SLC25A12: variants seen among roughly 807,000 people sequenced by gnomAD.
SLC25A12 encodes the protein electrogenic aspartate/glutamate antiporter SLC25A12, mitochondrial.
Under a neutral mutation model 83.3 loss-of-function variants are expected in SLC25A12, and 32 were observed. The observed-to-expected ratio is 0.38, with a 90% CI of 0.29 to 0.52. The LOEUF is 0.52. SLC25A12 is among the 20% of genes least tolerant of loss of function. SLC25A12 has a pLI of 0.84. For synonymous variants in SLC25A12, 267 were observed against 291.1 expected (o/e 0.92, Z 0.84); for missense variants, 611 against 835.6 (o/e 0.73, Z 3.31).
intron 3 of SLC25A12, among the ~76,000 whole-genome samples, chr2:171,863,140 C>A (rs1345575580): frequency 3.3e-5 from 5 of 152,058 alleles, no homozygotes; most frequent in Admixed American, 3.3e-4. Context: ...TGGCCTCAAG[C>A]GATCCTCCCG....
chr2:171,798,254 G>C (rs139714014), intron 13 of SLC25A12, among the ~76,000 whole-genome samples: 2,840 of 152,290 alleles, frequency 0.019, 57 homozygotes, highest in Admixed American at 0.067. Context: ...GTAATTTTGA[G>C]ATGTCACCAT....
At position 171,871,610 on chromosome 2, in the gene SLC25A12, G is replaced by A. The variant is rs1271940486; in HGVS notation, c.67-2787C>T. 8 of 527,954 alleles carry A rather than the reference G, an allele frequency of 1.5e-5. No individual in the cohort carries two copies. In the East Asian group the frequency reaches 4.4e-4, roughly 29 times the overall value. The allele number at this position is 527,954 out of a possible 1,614,324, so 32.7% of individuals were successfully genotyped here. ...GCCGGGATTACAGGTGTGAGCCACC[G>A]TGCCGGGCCCTCACCTGTATCTTTG... On this transcript the variant is annotated intron_variant, in intron 2 of 17. Coordinates refer to ENST00000422440, the MANE Select transcript of SLC25A12 (RefSeq NM_003705.5).
intron 2 of SLC25A12, among the ~76,000 whole-genome samples, chr2:171,885,040 T>C (rs1026696149): frequency 6.6e-6 from 1 of 151,878 alleles, no homozygotes; most frequent in Non-Finnish European, 1.5e-5. Flanking sequence ...GGTGAAACCC[T>C]GTCTCTACTA....
At chr2:171,788,201 T>C (rs1690525688) in intron 15 of SLC25A12, 2 of 396,122 alleles carry the variant, frequency 5.0e-6, no homozygotes, top group Non-Finnish European at 9.1e-6. Context: ...CCCAAATAAC[T>C]GTGAGAGAGA....
intron 2 of SLC25A12, among the ~76,000 whole-genome samples, chr2:171,870,039 A>G (rs1685426172): frequency 6.6e-6 from 1 of 152,146 alleles, no homozygotes; most frequent in Non-Finnish European, 1.5e-5. Flanking sequence ...TCTATCTCCC[A>G]ATTAGAATGT....
chr2:171,790,018 G>A (rs13016580), intron 15 of SLC25A12, among the ~76,000 whole-genome samples: 34,388 of 152,148 alleles, frequency 0.23, 4,976 homozygotes, highest in Middle Eastern at 0.34. Flanking sequence ...AATTACCATT[G>A]CTAGAGGAGA....
At chr2:171,866,597 C>T (rs1685317147) in intron 3 of SLC25A12, among the ~76,000 whole-genome samples, 4 of 143,164 alleles carry the variant, frequency 2.8e-5, no homozygotes, top group East Asian at 2.2e-4. Context: ...GCTGACCCCC[C>T]CACCTCCCTC....
intron 2 of SLC25A12, among the ~76,000 whole-genome samples, chr2:171,892,232 CTTT>C (rs11442059): frequency 6.8e-6 from 1 of 146,336 alleles, no homozygotes; most frequent in Non-Finnish European, 1.5e-5. Context: ...TTTACATCTA[CTTT>C]TTTTTTTTTT....
At chr2:171,848,431 CAGT>C (rs2105898859) in intron 4 of SLC25A12, among the ~76,000 whole-genome samples, 1 of 152,282 alleles carries the variant, frequency 6.6e-6, no homozygotes, top group Admixed American at 6.5e-5. Flanking sequence ...AAAAGTTCCT[CAGT>C]AGCTGAATTT....
intron 3 of SLC25A12, among the ~76,000 whole-genome samples, chr2:171,864,779 T>C (rs182565763): frequency 6.6e-6 from 1 of 152,334 alleles, no homozygotes; most frequent in African/African-American, 2.4e-5. Context: ...CCATGCTTTC[T>C]TGGGTTCCCT....
At chr2:171,799,949 G>C (rs1683675654) in intron 13 of SLC25A12, among the ~76,000 whole-genome samples, 1 of 152,184 alleles carries the variant, frequency 6.6e-6, no homozygotes, top group Non-Finnish European at 1.5e-5. Flanking sequence ...AGCTAGGTAA[G>C]TTTATCACTA....
chr2:171,858,509 A>G (rs927671114), intron 3 of SLC25A12, among the ~76,000 whole-genome samples: 1 of 152,244 alleles, frequency 6.6e-6, no homozygotes, highest in African/African-American at 2.4e-5. Flanking sequence ...AAAACCTTCT[A>G]TATTTATGAG....
chr2:171,811,567 G>C (rs1015775331), intron 11 of SLC25A12, among the ~76,000 whole-genome samples: 5 of 152,158 alleles, frequency 3.3e-5, no homozygotes, highest in Admixed American at 6.5e-5. Flanking sequence ...TCAATCATCT[G>C]ACAGAATAAT....
intron 3 of SLC25A12, among the ~76,000 whole-genome samples, chr2:171,859,755 T>C (rs1241086378): frequency 2.7e-5 from 4 of 147,964 alleles, no homozygotes; most frequent in Admixed American, 1.4e-4. Flanking sequence ...GTTCTGCAAA[T>C]GGATACAACA....
At chr2:171,841,190 C>T (rs1237787612) in intron 5 of SLC25A12, among the ~76,000 whole-genome samples, 1 of 152,208 alleles carries the variant, frequency 6.6e-6, no homozygotes, top group Non-Finnish European at 1.5e-5. Context: ...AGAGATTCTC[C>T]TGCCTCAGCC....
chr2:171,830,317 C>G (rs1684403671), intron 8 of SLC25A12, among the ~76,000 whole-genome samples: 1 of 152,098 alleles, frequency 6.6e-6, no homozygotes, highest in African/African-American at 2.4e-5. Context: ...GCATGTAAAA[C>G]ACTGCTGATA....
At chr2:171,801,444 GC>G (rs1683705908) in intron 13 of SLC25A12, among the ~76,000 whole-genome samples, 2 of 152,032 alleles carry the variant, frequency 1.3e-5, no homozygotes, top group Admixed American at 1.3e-4. Flanking sequence ...TACTATTTTT[GC>G]CCACAATAGA....
intron 2 of SLC25A12, among the ~76,000 whole-genome samples, chr2:171,871,096 G>A (rs910191551): frequency 1.3e-5 from 2 of 152,154 alleles, no homozygotes; most frequent in Admixed American, 6.6e-5. Flanking sequence ...CAGCTATGCA[G>A]GATGCTGAGG....
At chr2:171,843,818 T>A (rs1203867480) in intron 5 of SLC25A12, among the ~76,000 whole-genome samples, 5 of 121,124 alleles carry the variant, frequency 4.1e-5, no homozygotes, top group Non-Finnish European at 8.4e-5. Context: ...TTTTTTGAGA[T>A]GGAGTCTCAC....
Sources: allele counts gnomAD v4.1 joint callset (sites outside exome capture counted in the v4.1 genomes callset), GRCh38; gene constraint gnomAD v4.1.1; transcripts MANE v1.5; gene names NCBI Gene and HGNC (gene_info 2026-07-23, HGNC 2026-07-21).